The following ST3GAL1 variants were observed in gnomAD, a reference collection of about 807,000 sequenced individuals.
The protein encoded by ST3GAL1 is ST3 beta-galactoside alpha-2,3-sialyltransferase 1, also known as CMP-N-acetylneuraminate-beta-galactosamide-alpha-2,3-sialyltransferase 1.
In ST3GAL1, 16 loss-of-function variants were observed where a neutral mutation model predicts 34.1. The ratio of observed to expected loss-of-function variants is 0.47; its 90% CI spans 0.32 to 0.71. The LOEUF (loss-of-function observed/expected upper bound fraction) is 0.71, where lower values mean the gene tolerates loss of function less well. ST3GAL1 is among the 30% of genes least tolerant of loss of function. The pLI is 0.04. For missense variants in ST3GAL1, 353 were observed against 447.4 expected (o/e 0.79, Z 1.90); for synonymous variants, 191 against 184.7 (o/e 1.03, Z -0.28).
intron 2 of ST3GAL1, among the ~76,000 whole-genome samples, chr8:133,542,435 T>C (rs986130323): frequency 1.3e-5 from 2 of 152,160 alleles, no homozygotes; most frequent in African/African-American, 4.8e-5. Flanking sequence ...CACAAAAGAC[T>C]GCAACCTATT....
chr8:133,558,488 G>C (rs971989043), intron 1 of ST3GAL1, among the ~76,000 whole-genome samples: 4 of 152,170 alleles, frequency 2.6e-5, no homozygotes, highest in African/African-American at 9.7e-5. Flanking sequence ...ATAGAAGAAG[G>C]TTGAACAAGG....
intron 1 of ST3GAL1, among the ~76,000 whole-genome samples, chr8:133,552,118 T>C (rs138104130): frequency 1.3e-5 from 2 of 152,340 alleles, no homozygotes; most frequent in African/African-American, 4.8e-5. Flanking sequence ...CAGTACACTT[T>C]TGAGCTCTGC....
chr8:133,535,243 T>C lies in ST3GAL1; in HGVS notation c.-429+10531A>G, dbSNP rs74831315. 2.5e-3 allele frequency among the ~76,000 whole-genome samples: 386 copies of C among 152,336 alleles called. 1 individual carries two copies. The highest frequency in any genetic ancestry group is 8.9e-3 in the African/African-American group (369 of 41,572). On this transcript the variant is annotated intron_variant, in intron 2 of 9. Transcript: ENST00000522652. ...GTGATGAGCCCAGGCTAGAGCTACA[T>C]TATATCTATATCTATATCCATAGCC...
At chr8:133,559,932 T>C (rs1389744888) in intron 1 of ST3GAL1, among the ~76,000 whole-genome samples, 2 of 152,118 alleles carry the variant, frequency 1.3e-5, no homozygotes, top group African/African-American at 4.8e-5. Context: ...CGAATTCAAT[T>C]TATAACAACA....
chr8:133,491,416 C>T (rs971573780), intron 3 of ST3GAL1, among the ~76,000 whole-genome samples: 14 of 152,102 alleles, frequency 9.2e-5, no homozygotes, highest in African/African-American at 3.4e-4. Flanking sequence ...AAAGAAGAGA[C>T]AATTCAGAGC....
At chr8:133,477,349 A>C (rs1208576619) in intron 3 of ST3GAL1, among the ~76,000 whole-genome samples, 2 of 152,232 alleles carry the variant, frequency 1.3e-5, no homozygotes, top group Non-Finnish European at 2.9e-5. Flanking sequence ...AGAGGATGAG[A>C]TATTCATGCA....
At chr8:133,551,490 G>GAGAA (rs1256658587) in intron 1 of ST3GAL1, among the ~76,000 whole-genome samples, 2 of 148,724 alleles carry the variant, frequency 1.3e-5, no homozygotes, top group Non-Finnish European at 3.0e-5. Flanking sequence ...AAGAAAGAAA[G>GAGAA]AGAAAGAAAG....
chr8:133,465,535 T>C (rs779569195), intron 6 of ST3GAL1: 2 of 200,620 alleles, frequency 1.0e-5, no homozygotes, highest in African/African-American at 4.6e-5. Context: ...TTACATAAAA[T>C]ATGTGGTTTT....
intron 1 of ST3GAL1, among the ~76,000 whole-genome samples, chr8:133,561,761 G>A (rs1819230549): frequency 6.6e-6 from 1 of 152,120 alleles, no homozygotes; most frequent in Non-Finnish European, 1.5e-5. Flanking sequence ...CAGGGCTCAA[G>A]GCCTAGATCT....
At chr8:133,533,410 G>A (rs1554326) in intron 2 of ST3GAL1, among the ~76,000 whole-genome samples, 63,576 of 151,992 alleles carry the variant, frequency 0.42, 14,590 homozygotes, top group East Asian at 0.63. Context: ...ACACACAGGT[G>A]TGAGAGCTCA....
chr8:133,479,896 G>A (rs937381422), intron 3 of ST3GAL1, among the ~76,000 whole-genome samples: 2 of 152,184 alleles, frequency 1.3e-5, no homozygotes, highest in South Asian at 2.1e-4. Flanking sequence ...CCCCTTCCCT[G>A]GCTGCAGGGA....
intron 8 of ST3GAL1, 108 bp from the exon 9 acceptor site, chr8:133,462,102 C>A: frequency 6.6e-7 from 1 of 1,509,984 alleles, no homozygotes; most frequent in South Asian, 1.2e-5. Flanking sequence ...AGCCATGAGC[C>A]TAATAGATAC....
In ST3GAL1 at chr8:133,555,864, T is replaced by TG. The variant is rs1319515039; in HGVS notation, c.-581-9939_-581-9938insC. Among the ~76,000 whole-genome samples the TG allele has an allele frequency of 2.8e-4, 42 of 152,154 alleles. 1 individual carries two copies. In the East Asian group the frequency reaches 8.1e-3, roughly 29 times the overall value. On this transcript the variant is annotated intron_variant, in intron 1 of 9. Coordinates refer to ENST00000522652, the MANE Select transcript of ST3GAL1 (RefSeq NM_173344.3). ...GGCTGTTCCCAACCTACCCATTTTT[T>TG]TTGTTGTTGTTGTTGTTTGTTTGTT...
rs1026936007 is a variant in ST3GAL1 at position 133,519,302 on chromosome 8, A to T, written c.-428-20113T>A. ...ACTCATGCCTCATGCCCTGTGAGTG[A>T]AAGTGTGGACTCATTAGCCACACTA... On this transcript the variant is annotated intron_variant, in intron 2 of 9. Coordinates refer to ENST00000522652, the MANE Select transcript of ST3GAL1 (RefSeq NM_173344.3). Among the ~76,000 whole-genome samples the T allele has an allele frequency of 4.6e-5, 7 of 152,148 alleles. No individual in the cohort carries two copies. The East Asian group carries it at 1.4e-3, about 29-fold the overall frequency.
At chr8:133,528,700 TGA>T (rs1305590071) in intron 2 of ST3GAL1, among the ~76,000 whole-genome samples, 1 of 152,236 alleles carries the variant, frequency 6.6e-6, no homozygotes, top group Non-Finnish European at 1.5e-5. Flanking sequence ...TGAATAGTCA[TGA>T]GAGATATGAT....
rs536574906 is a variant in ST3GAL1, at chr8:133,476,346, C to A, written c.-119G>T. 7.0e-5 allele frequency: 16 copies of A among 228,212 alleles called. No individual in the cohort carries two copies. The East Asian group carries it at 1.3e-3, about 19-fold the overall frequency. The allele number at this position is 228,212 out of a possible 1,614,324, so 14.1% of individuals were successfully genotyped here. A position where few individuals can be genotyped will look rare whatever the true frequency, so the allele number is the denominator to read the frequency against. On this transcript the variant is annotated 5_prime_UTR_variant, in exon 4 of 10. Transcript: ENST00000522652. ...GAGCTGATAATGTCTCTCGATCAAG[C>A]TTTAACCAGTGATTTCCTTTCACAT...
chr8:133,545,439 C>T (rs1032299178), intron 2 of ST3GAL1, among the ~76,000 whole-genome samples: 4 of 152,242 alleles, frequency 2.6e-5, no homozygotes, highest in African/African-American at 7.2e-5. Context: ...CATGCCAGGC[C>T]TTCGTCAGGA....
intron 2 of ST3GAL1, among the ~76,000 whole-genome samples, chr8:133,534,052 G>A (rs184815883): frequency 6.6e-6 from 1 of 152,064 alleles, no homozygotes; most frequent in East Asian, 1.9e-4. Context: ...GGATTCAATG[G>A]GGAAAAAAAC....
intron 2 of ST3GAL1, among the ~76,000 whole-genome samples, chr8:133,535,431 G>A (rs556627962): frequency 5.3e-5 from 8 of 152,154 alleles, no homozygotes; most frequent in Admixed American, 1.3e-4. Flanking sequence ...TTTACTAATC[G>A]TGGCAACCTT....
Sources: allele counts gnomAD v4.1 joint callset (sites outside exome capture counted in the v4.1 genomes callset), GRCh38; gene constraint gnomAD v4.1.1; transcripts MANE v1.5; gene names NCBI Gene and HGNC (gene_info 2026-07-23, HGNC 2026-07-21).